ANKRD26: variants seen among roughly 807,000 people sequenced by gnomAD.
The protein encoded by ANKRD26 is ankyrin repeat domain-containing protein 26.
A neutral mutation model predicts 208.7 loss-of-function variants in ANKRD26; 141 were observed. The observed-to-expected ratio is 0.68, with a 90% confidence interval of 0.59 to 0.78. ANKRD26 has a LOEUF of 0.78. Ranked by LOEUF, ANKRD26 falls within the 30% of genes least tolerant of loss-of-function variation. ANKRD26 has a pLI of 0.00. For missense variants in ANKRD26, 1,889 were observed against 1,938.7 expected, an observed-to-expected ratio of 0.97 and a Z score of 0.48; for synonymous variants, 636 against 660.4, an observed-to-expected ratio of 0.96 and a Z score of 0.57.
At chr10:27,068,573 G>C (rs1207999615) in intron 9 of ANKRD26, among the ~76,000 whole-genome samples, 1 of 152,124 alleles carries the variant, frequency 6.6e-6, no homozygotes, top group Non-Finnish European at 1.5e-5. Context: ...GGTAAAACTG[G>C]AACACAGTCA....
At chr10:26,993,707 A>G (rs543226184) in intron 5 of ANKRD26, among the ~76,000 whole-genome samples, 1 of 152,308 alleles carries the variant, frequency 6.6e-6, no homozygotes, top group East Asian at 1.9e-4. Flanking sequence ...TTACACCAGC[A>G]CTGAGGATAC....
intron 1 of ANKRD26, among the ~76,000 whole-genome samples, chr10:27,099,120 A>G (rs112661529): frequency 0.049 from 7,395 of 152,142 alleles, 221 homozygotes; most frequent in African/African-American, 0.082. Context: ...TCTTCGGAGT[A>G]GCTGAGATTA....
the ANKRD26 span, among the ~76,000 whole-genome samples, chr10:26,959,959 T>C: frequency 3.9e-5 from 6 of 152,196 alleles, no homozygotes; most frequent in South Asian, 6.2e-4. Context: ...CAAGAGGTGG[T>C]GTCAGCCTAT....
chr10:27,081,833 G>A (rs868476473), intron 6 of ANKRD26, among the ~76,000 whole-genome samples: 3 of 151,972 alleles, frequency 2.0e-5, no homozygotes, highest in Non-Finnish European at 2.9e-5. Context: ...CGCCTCCCGG[G>A]TTCAAGCCAT....
chr10:26,975,944 A>G (rs2134603923), exon 6 of ANKRD26, among the ~76,000 whole-genome samples: 1 of 152,252 alleles, frequency 6.6e-6, no homozygotes, highest in South Asian at 2.1e-4. Flanking sequence ...GGATAAGATT[A>G]TTGTTGCTTT....
chr10:26,996,455 G>C (rs1378016013), intron 4 of ANKRD26, among the ~76,000 whole-genome samples: 2 of 152,192 alleles, frequency 1.3e-5, no homozygotes, highest in African/African-American at 4.8e-5. Context: ...AGCTACTCAG[G>C]AGGCTGAGGC....
At chr10:27,083,755 C>A (rs1049657889) in intron 5 of ANKRD26, among the ~76,000 whole-genome samples, 3 of 152,188 alleles carry the variant, frequency 2.0e-5, no homozygotes, top group Non-Finnish European at 4.4e-5. Context: ...TTCCATCTAT[C>A]CTGTATATAA....
chr10:27,100,063 C>T, intron 1 of ANKRD26, 22 bp downstream of exon 1: 1 of 1,613,330 alleles, frequency 6.2e-7, no homozygotes, highest in Non-Finnish European at 8.5e-7. Context: ...GGCACTCAGT[C>T]CGGGCTTGCG....
chr10:26,972,736 G>A (rs146673819), downstream of ANKRD26, among the ~76,000 whole-genome samples: 237 of 151,688 alleles, frequency 1.6e-3, 8 homozygotes, highest in East Asian at 0.043. Flanking sequence ...GACTACAGGC[G>A]CCCGCCACCG....
chr10:26,949,771 G>C, the ANKRD26 span, among the ~76,000 whole-genome samples: 1 of 152,132 alleles, frequency 6.6e-6, no homozygotes, highest in African/African-American at 2.4e-5. Context: ...CCAAAGTGCT[G>C]GGATTACAGG....
downstream of ANKRD26, among the ~76,000 whole-genome samples, chr10:26,990,898 C>T (rs960232161): frequency 6.6e-6 from 1 of 152,146 alleles, no homozygotes; most frequent in African/African-American, 2.4e-5. Context: ...GAAGAATAAA[C>T]TAACGTTTAG....
intron 25 of ANKRD26, among the ~76,000 whole-genome samples, chr10:27,030,101 T>C (rs1046782450): frequency 1.3e-5 from 2 of 152,348 alleles, no homozygotes; most frequent in East Asian, 1.9e-4. Flanking sequence ...GTTTGTGTGA[T>C]TCTTTTTACT....
downstream of ANKRD26, among the ~76,000 whole-genome samples, chr10:26,972,037 C>G (rs548545044): frequency 1.1e-3 from 163 of 152,176 alleles, no homozygotes; most frequent in African/African-American, 3.7e-3. Context: ...AGATCGAGAC[C>G]ATCCTGGCTA....
chr10:26,970,999 C>G (rs567748827), downstream of ANKRD26, among the ~76,000 whole-genome samples: 4 of 152,290 alleles, frequency 2.6e-5, no homozygotes, highest in South Asian at 8.3e-4. Flanking sequence ...AGGATAGATA[C>G]AGGAGTGGGG....
In ANKRD26 at chr10:27,005,090, A is replaced by T. The variant is rs2052824834; in HGVS notation, c.*500T>A. The T allele has an allele frequency of 1.0e-6, 1 of 984,060 alleles. No individual in the cohort carries two copies. The highest frequency in any genetic ancestry group is 1.7e-5 in the African/African-American group (1 of 57,218). 61.0% of individuals were successfully genotyped at this position (984,060 alleles called of 1,614,324 possible). A position where few individuals can be genotyped will look rare whatever the true frequency, so the allele number is the denominator to read the frequency against. On this transcript the variant is annotated 3_prime_UTR_variant, in exon 34 of 34. Coordinates refer to ENST00000376087, the MANE Select transcript of ANKRD26 (RefSeq NM_014915.3). ...TTAAAAATAAATAAACAAACAGAAA[A>T]GGTGAATCAGGCAAATCTTGTTTCT...
At chr10:27,095,551 C>G (rs1417506661) in intron 1 of ANKRD26, among the ~76,000 whole-genome samples, 1 of 152,102 alleles carries the variant, frequency 6.6e-6, no homozygotes, top group East Asian at 1.9e-4. Context: ...GCCTGTAATC[C>G]CAGCTACTCG....
chr10:27,070,275 T>C (rs1420318529), intron 9 of ANKRD26, among the ~76,000 whole-genome samples: 1 of 151,670 alleles, frequency 6.6e-6, no homozygotes, highest in African/African-American at 2.4e-5. Flanking sequence ...TAGTACACAC[T>C]TGTAGTCCCA....
chr10:26,995,441 T>C (rs1467665142), intron 4 of ANKRD26, among the ~76,000 whole-genome samples: 1 of 152,166 alleles, frequency 6.6e-6, no homozygotes, highest in Non-Finnish European at 1.5e-5. Flanking sequence ...ATGGTCATGA[T>C]GTTACTGGGT....
At chr10:26,948,882 C>T in the ANKRD26 span, among the ~76,000 whole-genome samples, 3 of 152,116 alleles carry the variant, frequency 2.0e-5, no homozygotes, top group South Asian at 6.2e-4. Flanking sequence ...GTAATCCCAG[C>T]TACTTGGGAG....
Sources: gnomAD v4.1 joint callset for allele counts (sites outside exome capture counted in the v4.1 genomes callset) on GRCh38, gnomAD v4.1.1 for gene constraint, MANE v1.5 for transcripts, NCBI Gene and HGNC (gene_info 2026-07-23, HGNC 2026-07-21) for gene names.